SMAD1: variants seen among roughly 807,000 people sequenced by gnomAD.
SMAD1 encodes SMAD family member 1, also known as MAD, mothers against decapentaplegic homolog 1.
In SMAD1, 6 loss-of-function variants were observed where a neutral mutation model predicts 41.6. That is an observed-to-expected ratio of 0.14 (90% CI 0.08 to 0.28). The LOEUF is 0.28. Among genes scored for constraint, SMAD1 ranks in the 10% least tolerant of loss-of-function variants. SMAD1 has a pLI of 1.00. For missense variants in SMAD1, 379 were observed against 582.6 expected, an observed-to-expected ratio of 0.65 and a Z score of 3.60; for synonymous variants, 206 against 203.2, an observed-to-expected ratio of 1.01 and a Z score of -0.12.
intron 2 of SMAD1, among the ~76,000 whole-genome samples, chr4:145,526,534 T>C (rs1243693656): frequency 6.6e-6 from 1 of 152,200 alleles, no homozygotes; most frequent in Non-Finnish European, 1.5e-5. Context: ...AAATGTTATT[T>C]AAGAGAAAAC....
At position 145,540,061 on chromosome 4, in the gene SMAD1, G is replaced by A. The variant is rs1731835596; in HGVS notation, c.658G>A (p.Ala220Thr). 1 of 1,613,840 alleles carries A rather than the reference G, an allele frequency of 6.2e-7. No homozygotes were observed. Among genetic ancestry groups the A allele is most frequent in the Non-Finnish European group, 8.5e-7 (1 of 1,179,926 alleles). Residue 220 changes from alanine (A) to threonine (T), a missense_variant and splice_region_variant, in exon 3 of 7, where the codon GCT (alanine) becomes ACT (threonine). Transcript: ENST00000302085. ...CCCAGGAAGCCCTTTCCAGATGCCA[G>A]GTAGGTTGGAATGTTCAGTGATGTT... Reference protein sequence around the residue: ...SDPGSPFQMPADTPPPAYLPP... With the variant: ...SDPGSPFQMPTDTPPPAYLPP...
chr4:145,485,834 T>A (rs546556262), intron 1 of SMAD1, among the ~76,000 whole-genome samples: 1 of 152,350 alleles, frequency 6.6e-6, no homozygotes, highest in South Asian at 2.1e-4. Flanking sequence ...AGGCATTGTT[T>A]ATAATACCCA....
chr4:145,549,545 T>C (rs1159350340), intron 5 of SMAD1, among the ~76,000 whole-genome samples: 1 of 152,196 alleles, frequency 6.6e-6, no homozygotes, highest in Non-Finnish European at 1.5e-5. Flanking sequence ...TCACAATAGA[T>C]GCATCTGGAT....
At chr4:145,524,516 G>T (rs559980170) in intron 2 of SMAD1, among the ~76,000 whole-genome samples, 71 of 152,254 alleles carry the variant, frequency 4.7e-4, no homozygotes, top group African/African-American at 1.7e-3. Context: ...TTTCTGGGCA[G>T]AATTTTTCTA....
chr4:145,541,426 A>G (rs1381772720), intron 3 of SMAD1, among the ~76,000 whole-genome samples: 1 of 152,218 alleles, frequency 6.6e-6, no homozygotes, highest in Non-Finnish European at 1.5e-5. Context: ...GCAGAAATTC[A>G]TTGACTTGGG....
chr4:145,485,328 G>A lies in SMAD1; in HGVS notation c.-177+3290G>A, dbSNP rs1226411554. On this transcript the variant is annotated intron_variant, in intron 1 of 6. Coordinates refer to ENST00000302085, the MANE Select transcript of SMAD1 (RefSeq NM_005900.3). ...TGGGCTCAAGCTGTTCTCCCGCCTC[G>A]GCCTCCCAAAGTGTTGGGGTTACAG... Among the ~76,000 whole-genome samples, 5 of 152,106 alleles carry A rather than the reference G, an allele frequency of 3.3e-5. No individual in the cohort carries two copies. The East Asian group carries it at 9.6e-4, about 29-fold the overall frequency.
At position 145,521,261 on chromosome 4, in the gene SMAD1, A is replaced by G. The variant is rs545972340; in HGVS notation, c.400+6248A>G. Among the ~76,000 whole-genome samples the G allele has an allele frequency of 2.0e-5, 3 of 152,324 alleles. No homozygotes were observed. In the South Asian group the frequency reaches 6.2e-4, roughly 32 times the overall value. ...CAAGCAATCTAACTGTGGTATTGAG[A>G]AGACCATTCAGTTGCTATCTTCTGC... On this transcript the variant is annotated intron_variant, in intron 2 of 6. Transcript: ENST00000302085.
intron 1 of SMAD1, among the ~76,000 whole-genome samples, chr4:145,488,567 T>C (rs1728613510): frequency 6.6e-6 from 1 of 152,014 alleles, no homozygotes; most frequent in African/African-American, 2.4e-5. Context: ...TTTTTTTTCT[T>C]TTAGTTTCAA....
chr4:145,550,341 G>A (rs1247348994), intron 5 of SMAD1, among the ~76,000 whole-genome samples: 3 of 151,900 alleles, frequency 2.0e-5, no homozygotes, highest in Non-Finnish European at 4.4e-5. Context: ...GGTGGAACCC[G>A]GGTCTCTACT....
At chr4:145,500,627 C>T (rs962492530) in intron 1 of SMAD1, among the ~76,000 whole-genome samples, 1 of 152,126 alleles carries the variant, frequency 6.6e-6, no homozygotes, top group Non-Finnish European at 1.5e-5. Context: ...CTTTTTGTGT[C>T]TCTTTCAGTG....
chr4:145,552,710 T>G (rs976732433), intron 5 of SMAD1, among the ~76,000 whole-genome samples: 1 of 152,180 alleles, frequency 6.6e-6, no homozygotes, highest in Non-Finnish European at 1.5e-5. Context: ...TCCTCTCTTC[T>G]CTTTCTCCTT....
intron 1 of SMAD1, among the ~76,000 whole-genome samples, chr4:145,488,669 C>A (rs1325012063): frequency 6.6e-6 from 1 of 151,878 alleles, no homozygotes; most frequent in East Asian, 1.9e-4. Flanking sequence ...AATGCAAGAT[C>A]TTTTGTTTGT....
At chr4:145,484,376 T>C (rs1728358839) in intron 1 of SMAD1, 1 of 152,176 alleles carries the variant, frequency 6.6e-6, no homozygotes, top group Non-Finnish European at 1.5e-5. Context: ...TTAAATTGAT[T>C]TACAGCACTG....
intron 5 of SMAD1, among the ~76,000 whole-genome samples, 191 bp downstream of exon 5, chr4:145,547,115 A>C (rs1347124506): frequency 1.3e-5 from 2 of 152,186 alleles, no homozygotes; most frequent in Non-Finnish European, 2.9e-5. Context: ...TTTGTGGTCG[A>C]TCAACTCATA....
At chr4:145,536,329 A>G (rs1346839152) in intron 2 of SMAD1, among the ~76,000 whole-genome samples, 9 of 152,126 alleles carry the variant, frequency 5.9e-5, no homozygotes, top group African/African-American at 1.9e-4. Flanking sequence ...ATTCCTCACT[A>G]AAGGGAACCA....
intron 1 of SMAD1, among the ~76,000 whole-genome samples, chr4:145,509,055 T>C (rs563144804): frequency 6.6e-6 from 1 of 152,306 alleles, no homozygotes; most frequent in East Asian, 1.9e-4. Context: ...CACATGATAT[T>C]AGAGTAAGTT....
At chr4:145,503,480 G>C (rs556556165) in intron 1 of SMAD1, among the ~76,000 whole-genome samples, 24 of 152,126 alleles carry the variant, frequency 1.6e-4, no homozygotes, top group African/African-American at 5.8e-4. Flanking sequence ...CTGTTCTAGA[G>C]GTTTTTTCCT....
chr4:145,552,349 A>G (rs1021381357), intron 5 of SMAD1, among the ~76,000 whole-genome samples: 1 of 152,250 alleles, frequency 6.6e-6, no homozygotes, highest in Non-Finnish European at 1.5e-5. Context: ...GACACAATAT[A>G]GCCTTGACTA....
intron 1 of SMAD1, among the ~76,000 whole-genome samples, chr4:145,490,999 A>G (rs1346915365): frequency 6.6e-6 from 1 of 152,200 alleles, no homozygotes; most frequent in Non-Finnish European, 1.5e-5. Context: ...AGGAAAGGGG[A>G]GTTTGATTTA....
Sources: gnomAD v4.1 joint callset for allele counts (sites outside exome capture counted in the v4.1 genomes callset) on GRCh38, gnomAD v4.1.1 for gene constraint, MANE v1.5 for transcripts, NCBI Gene and HGNC (gene_info 2026-07-23, HGNC 2026-07-21) for gene names.